The following EML1 variants were observed in gnomAD, a reference collection of about 807,000 sequenced individuals.
EML1 encodes echinoderm microtubule-associated protein-like 1.
In EML1, 27 loss-of-function variants were observed where a neutral mutation model predicts 110.4. The ratio of observed to expected loss-of-function variants is 0.24; its 90% confidence interval spans 0.18 to 0.34. The LOEUF (loss-of-function observed/expected upper bound fraction) is 0.34, where lower values mean the gene tolerates loss of function less well. Ranked by LOEUF, EML1 falls within the 10% of genes least tolerant of loss-of-function variation. The pLI, the probability that EML1 is intolerant of heterozygous loss-of-function variation, is 1.00. For missense variants in EML1, 741 were observed against 1,030.9 expected (o/e 0.72, Z 3.85); for synonymous variants, 344 against 385.8 (o/e 0.89, Z 1.27).
intron 13 of EML1, among the ~76,000 whole-genome samples, chr14:99,912,704 A>G (rs2140056543): frequency 6.6e-6 from 1 of 152,346 alleles, no homozygotes; most frequent in South Asian, 2.1e-4. Context: ...ATTTTTAATA[A>G]TAAGATTTGA....
chr14:99,813,402 A>G (rs970094838), intron 1 of EML1, among the ~76,000 whole-genome samples: 2 of 152,214 alleles, frequency 1.3e-5, no homozygotes, highest in Admixed American at 1.3e-4. Flanking sequence ...GACAAAAATA[A>G]CTATCTTTAC....
At chr14:99,864,106 TC>T (rs1342536175) in intron 2 of EML1, among the ~76,000 whole-genome samples, 1 of 152,272 alleles carries the variant, frequency 6.6e-6, no homozygotes, top group Non-Finnish European at 1.5e-5. Context: ...GAGCATCTTT[TC>T]ATATGCTTAT....
intron 3 of EML1, among the ~76,000 whole-genome samples, chr14:99,875,936 G>A (rs1014614795): frequency 6.6e-6 from 1 of 152,188 alleles, no homozygotes; most frequent in Admixed American, 6.5e-5. Flanking sequence ...TAAGATTCTG[G>A]CACTGTCCAC....
chr14:99,767,353 C>A (rs898953664), intron 1 of EML1, among the ~76,000 whole-genome samples: 3 of 152,242 alleles, frequency 2.0e-5, no homozygotes, highest in Non-Finnish European at 4.4e-5. Context: ...CCTGTAATCC[C>A]AACACTTTGG....
In EML1 at chr14:99,882,151, C is replaced by T. The variant is rs924813602; in HGVS notation, c.518+3532C>T. 6.6e-5 allele frequency among the ~76,000 whole-genome samples: 10 copies of T among 151,870 alleles called. No homozygotes were observed. The East Asian group carries it at 7.7e-4, about 12-fold the overall frequency. Reference sequence around the variant, plus strand: ...TTATGTATTATTGATGATAAATGAACGTTAATAATTACATAGTGATTCATG... The same window carrying T: ...TTATGTATTATTGATGATAAATGAATGTTAATAATTACATAGTGATTCATG... On this transcript the variant is annotated intron_variant, in intron 4 of 21. Transcript: ENST00000262233.
At chr14:99,778,039 C>T (rs2057501946) in intron 1 of EML1, among the ~76,000 whole-genome samples, 2 of 152,162 alleles carry the variant, frequency 1.3e-5, no homozygotes, top group Non-Finnish European at 2.9e-5. Flanking sequence ...ACTGCCTCAG[C>T]TTCGTGAAGT....
At chr14:99,747,440 AG>A (rs1174072349) in intron 1 of EML1, among the ~76,000 whole-genome samples, 1 of 150,628 alleles carries the variant, frequency 6.6e-6, no homozygotes. Flanking sequence ...CAGGGGTCTG[AG>A]GGGGAAGGAG....
At chr14:99,819,776 C>G (rs1199001585) in intron 1 of EML1, among the ~76,000 whole-genome samples, 1 of 152,208 alleles carries the variant, frequency 6.6e-6, no homozygotes, top group Non-Finnish European at 1.5e-5. Context: ...GCCTCTCGCA[C>G]CGAGCATCCC....
intron 1 of EML1, among the ~76,000 whole-genome samples, chr14:99,850,646 A>G (rs2058780386): frequency 6.6e-6 from 1 of 152,238 alleles, no homozygotes; most frequent in Admixed American, 6.5e-5. Flanking sequence ...GCAAATGTAG[A>G]GAATGAAAAG....
chr14:99,890,401 C>T (rs905780074), intron 4 of EML1, among the ~76,000 whole-genome samples: 2 of 152,206 alleles, frequency 1.3e-5, no homozygotes, highest in Non-Finnish European at 2.9e-5. Context: ...GGTGCCATCT[C>T]CCCAAAGGTG....
intron 3 of EML1, 148 bp from the exon 4 acceptor site, chr14:99,878,337 T>C (rs1376593296): frequency 3.4e-6 from 4 of 1,160,916 alleles, no homozygotes; most frequent in Non-Finnish European, 4.7e-6. Flanking sequence ...TATGTGACAC[T>C]CTGAAAAGCT....
intron 4 of EML1, among the ~76,000 whole-genome samples, chr14:99,886,693 G>A (rs553898644): frequency 2.0e-5 from 3 of 152,260 alleles, no homozygotes; most frequent in East Asian, 1.9e-4. Context: ...ATGTCACCAC[G>A]TGTCGAAGAC....
intron 1 of EML1, among the ~76,000 whole-genome samples, chr14:99,811,600 T>G (rs1229016881): frequency 1.3e-5 from 2 of 148,860 alleles, no homozygotes; most frequent in Admixed American, 1.3e-4. Flanking sequence ...CCTAGGAGTT[T>G]TAGATCAGCC....
At chr14:99,840,844 T>C (rs1035213034) in intron 1 of EML1, among the ~76,000 whole-genome samples, 20 of 152,210 alleles carry the variant, frequency 1.3e-4, no homozygotes, top group African/African-American at 4.8e-4. Context: ...AAACACATCA[T>C]GTTACCGGAA....
intron 1 of EML1, among the ~76,000 whole-genome samples, chr14:99,837,895 G>T (rs1429512552): frequency 6.6e-6 from 1 of 152,170 alleles, no homozygotes; most frequent in Non-Finnish European, 1.5e-5. Context: ...AACCTTCCCA[G>T]CTCAAGCAAT....
chr14:99,880,347 A>G (rs1384768076), intron 4 of EML1, among the ~76,000 whole-genome samples: 2 of 152,110 alleles, frequency 1.3e-5, no homozygotes, highest in African/African-American at 4.8e-5. Context: ...GACTCGGTAG[A>G]AGTGAAGGTT....
At chr14:99,823,452 C>T (rs1225463194) in intron 1 of EML1, among the ~76,000 whole-genome samples, 1 of 152,064 alleles carries the variant, frequency 6.6e-6, no homozygotes, top group Non-Finnish European at 1.5e-5. Context: ...TGGACGTCCT[C>T]TCTGAGCCTG....
rs201293822 is a variant in EML1 at position 99,910,217 on chromosome 14, A to G, written c.1240-25A>G. On this transcript the variant is annotated intron_variant, in intron 11 of 21. Transcript: ENST00000262233. ...TATGTTGTATGGATTAAATATATATATAATTTTTTTACTACATTCTACAGA... is the reference window on the plus strand; with the variant it reads ...TATGTTGTATGGATTAAATATATATGTAATTTTTTTACTACATTCTACAGA... 5.0e-5 allele frequency: 74 copies of G among 1,479,040 alleles called. 2 individuals carry two copies. In the East Asian group the frequency reaches 1.2e-3, roughly 23 times the overall value. The allele number at this position is 1,479,040 out of a possible 1,614,324, so 91.6% of individuals were successfully genotyped here.
intron 8 of EML1, among the ~76,000 whole-genome samples, chr14:99,900,454 T>G (rs2059745272): frequency 6.6e-6 from 1 of 152,206 alleles, no homozygotes; most frequent in South Asian, 2.1e-4. Context: ...CCCAAAGTGC[T>G]GGGATTACAG....
Sources: gnomAD v4.1 joint callset for allele counts (sites outside exome capture counted in the v4.1 genomes callset) on GRCh38, gnomAD v4.1.1 for gene constraint, MANE v1.5 for transcripts, NCBI Gene and HGNC (gene_info 2026-07-23, HGNC 2026-07-21) for gene names.